ADAMTS18: variants seen among roughly 807,000 people sequenced by gnomAD.
ADAMTS18 encodes A disintegrin and metalloproteinase with thrombospondin motifs 18.
A neutral mutation model predicts 165.9 loss-of-function variants in ADAMTS18; 157 were observed. The observed-to-expected ratio is 0.95, with a 90% CI of 0.83 to 1.08. ADAMTS18 has a LOEUF of 1.08. ADAMTS18 is among the 50% of genes least tolerant of loss of function. ADAMTS18 has a pLI of 0.00. For missense variants in ADAMTS18, 2,040 were observed against 1,534.0 expected (o/e 1.33, Z -5.51); for synonymous variants, 782 against 578.2 (o/e 1.35, Z -5.06).
In ADAMTS18 at chr16:77,413,502, C is replaced by T. The variant is rs185046651; in HGVS notation, c.495+17793G>A. On this transcript the variant is annotated intron_variant, in intron 3 of 22. Coordinates refer to ENST00000282849, the MANE Select transcript of ADAMTS18 (RefSeq NM_199355.4). Reference sequence around the variant, plus strand: ...CAGGTTAACTAAAATTTCTGATACACTAAATGTGACCTCAAGTCAGATACA... The same window carrying T: ...CAGGTTAACTAAAATTTCTGATACATTAAATGTGACCTCAAGTCAGATACA... Among the ~76,000 whole-genome samples, 507 of 152,262 alleles carry T rather than the reference C, an allele frequency of 3.3e-3. 3 individuals carry two copies. The highest frequency in any genetic ancestry group is 4.2e-3 in the Non-Finnish European group (289 of 68,020).
At chr16:77,397,278 A>G (rs2057270897) in intron 3 of ADAMTS18, among the ~76,000 whole-genome samples, 1 of 152,214 alleles carries the variant, frequency 6.6e-6, no homozygotes, top group Non-Finnish European at 1.5e-5. Flanking sequence ...AGTGAAATAC[A>G]CTGTATACAA....
rs768828614 is a variant in ADAMTS18 at position 77,283,975 on chromosome 16, G to A, written c.3647C>T (p.Ser1216Leu). 2.3e-5 allele frequency: 37 copies of A among 1,613,754 alleles called. 1 individual carries two copies. The East Asian group carries it at 8.2e-4, about 36-fold the overall frequency. Residue 1216 changes from serine to leucine, a missense_variant, in exon 23 of 23, where the codon TCA (serine) becomes TTA (leucine). Physicochemically the swap from Ser to Leu is moderately radical, Grantham distance 145. Coordinates refer to ENST00000282849, the MANE Select transcript of ADAMTS18 (RefSeq NM_199355.4). ...HKFYGKQCCK[S>L]CTRKI is the part of the protein sequence containing the mutation. ...CCAAGATCAGATCTTCCTTGTGCATGACTTGCAGCATTGTTTTCCGTAAAA... is the reference window on the plus strand; with the variant it reads ...CCAAGATCAGATCTTCCTTGTGCATAACTTGCAGCATTGTTTTCCGTAAAA...
intron 19 of ADAMTS18, among the ~76,000 whole-genome samples, chr16:77,294,122 G>A (rs1013776372): frequency 6.6e-6 from 1 of 152,100 alleles, no homozygotes; most frequent in Non-Finnish European, 1.5e-5. Context: ...TGGTTCAGGT[G>A]GTAAAACTCT....
At chr16:77,432,833 C>A (rs1376318236) in intron 2 of ADAMTS18, among the ~76,000 whole-genome samples, 1 of 151,378 alleles carries the variant, frequency 6.6e-6, no homozygotes, top group Non-Finnish European at 1.5e-5. Context: ...TGAGTGATGG[C>A]CTAATTAGGC....
At chr16:77,321,665 G>A (rs999288774) in intron 14 of ADAMTS18, among the ~76,000 whole-genome samples, 2 of 152,200 alleles carry the variant, frequency 1.3e-5, no homozygotes, top group African/African-American at 4.8e-5. Flanking sequence ...AAATACATTT[G>A]TGAGATTCTA....
At chr16:77,385,381 A>G (rs1018747066) in intron 3 of ADAMTS18, among the ~76,000 whole-genome samples, 3 of 152,210 alleles carry the variant, frequency 2.0e-5, no homozygotes, top group Non-Finnish European at 4.4e-5. Flanking sequence ...CTGAGAAGGA[A>G]TAGTTGACTT....
intron 3 of ADAMTS18, among the ~76,000 whole-genome samples, chr16:77,371,588 G>A (rs1295417171): frequency 6.6e-6 from 1 of 152,106 alleles, no homozygotes; most frequent in African/African-American, 2.4e-5. Context: ...ACAGAAGAAT[G>A]AAATTTGACT....
chr16:77,408,990 G>A (rs1447383465), intron 3 of ADAMTS18, among the ~76,000 whole-genome samples: 2 of 143,380 alleles, frequency 1.4e-5, no homozygotes, highest in Non-Finnish European at 3.1e-5. Flanking sequence ...TATTATTATT[G>A]ATAATCTCTT....
chr16:77,371,076 G>T (rs1181695871), intron 3 of ADAMTS18, among the ~76,000 whole-genome samples: 2 of 152,076 alleles, frequency 1.3e-5, no homozygotes, highest in African/African-American at 4.8e-5. Flanking sequence ...TTAGCCAGGT[G>T]TGGTGGTGCA....
intron 3 of ADAMTS18, among the ~76,000 whole-genome samples, chr16:77,427,519 T>A (rs1297445503): frequency 6.6e-6 from 1 of 152,164 alleles, no homozygotes; most frequent in East Asian, 1.9e-4. Context: ...CACCATTAGA[T>A]TAGGTTAATC....
intron 15 of ADAMTS18, 98 bp from the exon 16 acceptor site, chr16:77,320,191 G>A (rs1007444258): frequency 1.7e-5 from 24 of 1,444,606 alleles, no homozygotes; most frequent in Non-Finnish European, 2.3e-5. Context: ...TTTATAGAGT[G>A]AGGTTTTTAA....
chr16:77,405,214 G>A (rs12050948), intron 3 of ADAMTS18, among the ~76,000 whole-genome samples: 22,302 of 152,148 alleles, frequency 0.15, 1,976 homozygotes, highest in Middle Eastern at 0.28. Flanking sequence ...CCAAATTCAT[G>A]TCCAGACAGG....
intron 22 of ADAMTS18, among the ~76,000 whole-genome samples, chr16:77,288,684 G>A (rs1597077723): frequency 6.6e-6 from 1 of 152,086 alleles, no homozygotes; most frequent in East Asian, 1.9e-4. Flanking sequence ...ATGGATTATA[G>A]TTGTCTCCTC....
At chr16:77,290,681 A>ACACACCAATCCTAGCTAAAGTTTC (rs2055345196) in intron 21 of ADAMTS18, 1 of 166,406 alleles carries the variant, frequency 6.0e-6, no homozygotes, top group African/African-American at 2.4e-5. Flanking sequence ...GGACCGCGTC[A>ACACACCAATCCTAGCTAAAGTTTC]CACACCAATC....
chr16:77,290,216 G>C (rs540443761), intron 21 of ADAMTS18, among the ~76,000 whole-genome samples: 1 of 152,296 alleles, frequency 6.6e-6, no homozygotes, highest in East Asian at 1.9e-4. Context: ...AAGATAGATA[G>C]TAAATATTTC....
chr16:77,325,167 C>T (rs1416580896), intron 13 of ADAMTS18, among the ~76,000 whole-genome samples: 2 of 152,112 alleles, frequency 1.3e-5, no homozygotes, highest in Non-Finnish European at 2.9e-5. Context: ...TCACATATAA[C>T]CCTGTTTCAA....
In ADAMTS18 at chr16:77,283,949, A is replaced by G. The variant is rs1379796369; in HGVS notation, c.*7T>C. On this transcript the variant is annotated 3_prime_UTR_variant, in exon 23 of 23. Transcript: ENST00000282849. Reference sequence around the variant, plus strand: ...CTGGCCCTAAGGTGCTGGGGAGGACACCAAGATCAGATCTTCCTTGTGCAT... The same window carrying G: ...CTGGCCCTAAGGTGCTGGGGAGGACGCCAAGATCAGATCTTCCTTGTGCAT... 2 of 1,610,816 alleles carry G rather than the reference A, an allele frequency of 1.2e-6. No homozygotes were observed. The highest frequency in any genetic ancestry group is 1.7e-6 in the Non-Finnish European group (2 of 1,177,142).
chr16:77,434,732 C>G lies in ADAMTS18; in HGVS notation c.-37G>C, dbSNP rs1047516748. On this transcript the variant is annotated 5_prime_UTR_variant, in exon 1 of 23. Coordinates refer to ENST00000282849, the MANE Select transcript of ADAMTS18 (RefSeq NM_199355.4). ...GACGCGGCGGCTGCGGGTGGCCAGA[C>G]GCGGCAGGCGGAGCGCACGGGCGGC... is the stretch of plus-strand genomic sequence containing the variant. The G allele has an allele frequency of 2.1e-6, 3 of 1,402,256 alleles. No individual in the cohort carries two copies. Among genetic ancestry groups the G allele is most frequent in the Admixed American group, 2.9e-5 (1 of 34,984 alleles). The allele number at this position is 1,402,256 out of a possible 1,614,324, so 86.9% of individuals were successfully genotyped here.
At chr16:77,336,542 G>A (rs1012157323) in intron 11 of ADAMTS18, among the ~76,000 whole-genome samples, 1 of 151,998 alleles carries the variant, frequency 6.6e-6, no homozygotes, top group South Asian at 2.1e-4. Flanking sequence ...TTTTTCCTTT[G>A]TCTACATAAA....
Sources: allele counts gnomAD v4.1 joint callset (sites outside exome capture counted in the v4.1 genomes callset), GRCh38; gene constraint gnomAD v4.1.1; transcripts MANE v1.5; gene names NCBI Gene and HGNC (gene_info 2026-07-23, HGNC 2026-07-21).